Variants in NLRP5 observed in about 807,000 individuals in gnomAD.
NLRP5 encodes the protein NLR family pyrin domain containing 5.
In NLRP5, 93 loss-of-function variants were observed where a neutral mutation model predicts 113.1. The observed-to-expected ratio is 0.82, with a 90% CI of 0.70 to 0.98. NLRP5 has a LOEUF of 0.98. Among genes scored for constraint, NLRP5 ranks in the 50% least tolerant of loss-of-function variants. The probability of loss-of-function intolerance (pLI) is 0.00; values close to 1 mark genes in which losing one functional copy is unlikely to be tolerated. For synonymous variants in NLRP5, 751 were observed against 600.7 expected (o/e 1.25, Z -3.66); for missense variants, 1,808 against 1,514.3 (o/e 1.19, Z -3.22).
chr19:56,006,429 A>T (rs117776002), intron 2 of NLRP5, among the ~76,000 whole-genome samples: 32,060 of 138,622 alleles, frequency 0.23, 3,571 homozygotes, highest in East Asian at 0.31. Flanking sequence ...TATAATTTTA[A>T]AAAAAAAATG....
intron 14 of NLRP5, 121 bp from the exon 15 acceptor site, chr19:56,061,275 C>A: frequency 1.0e-6 from 1 of 987,176 alleles, no homozygotes; most frequent in Non-Finnish European, 1.4e-6. Flanking sequence ...CTCTTTGGGG[C>A]ACGTTCCTTA....
the NLRP5 span, among the ~76,000 whole-genome samples, chr19:55,990,079 C>CTTTTTTTTTTTTTT: frequency 5.2e-5 from 5 of 95,956 alleles, no homozygotes; most frequent in Admixed American, 1.3e-4. Flanking sequence ...TTTCTTTTTT[C>CTTTTTTTTTTTTTT]TTTTTTTTTT....
intron 11 of NLRP5, among the ~76,000 whole-genome samples, chr19:56,044,849 G>A (rs747337474): frequency 1.3e-5 from 2 of 152,166 alleles, no homozygotes; most frequent in Non-Finnish European, 2.9e-5. Context: ...CATGGGATGT[G>A]TGTCCATTTG....
In NLRP5 at chr19:56,028,219, G is replaced by A. The variant is rs746760881; in HGVS notation, c.1986G>A (p.Lys662=). 3 of 1,613,792 alleles carry A rather than the reference G, an allele frequency of 1.9e-6. No individual in the cohort carries two copies. The South Asian group carries it at 3.3e-5, about 18-fold the overall frequency. Residue 662 remains lysine, a synonymous_variant, in exon 7 of 15, where the codon AAG becomes AAA. Coordinates refer to ENST00000390649, the MANE Select transcript of NLRP5 (RefSeq NM_153447.4). ...GCTGTCCCGTTCCCCTGGGGGTGAA[G>A]CAGAAGCTTCTGCACTGGGTCTCTC...
rs369622191 is a variant in NLRP5 at position 56,043,542 on chromosome 19, C to CTTTTTTTTTTTTTTTTTT, written c.2957+2474_2957+2491dup. Among the ~76,000 whole-genome samples, 8 of 92,920 alleles carry CTTTTTTTTTTTTTTTTTT rather than the reference C, an allele frequency of 8.6e-5. 1 individual carries two copies. Among genetic ancestry groups the CTTTTTTTTTTTTTTTTTT allele is most frequent in the Admixed American group, 1.1e-4 (1 of 9,194 alleles). 61.0% of individuals were successfully genotyped at this position (92,920 alleles called of 152,430 possible). ...TGGATTGTCTGTTTACTCTGCTATT[C>CTTTTTTTTTTTTTTTTTT]TTTTTTTTTTTTTTTTTTTTTTTTT... On this transcript the variant is annotated intron_variant, in intron 11 of 14. Transcript: ENST00000390649.
intron 6 of NLRP5, among the ~76,000 whole-genome samples, chr19:56,022,868 G>A (rs557250642): frequency 4.0e-4 from 61 of 152,280 alleles, no homozygotes; most frequent in African/African-American, 1.3e-3. Context: ...GGGATTACAG[G>A]CATGTGCCAC....
chr19:56,005,104 AAAAATATAT>A (rs1032890104), intron 2 of NLRP5, among the ~76,000 whole-genome samples: 2 of 123,698 alleles, frequency 1.6e-5, no homozygotes, highest in Non-Finnish European at 3.4e-5. Flanking sequence ...AAAAAAAAAA[AAAAATATAT>A]ATATATATAT....
chr19:55,995,835 T>C (rs1470220726), upstream of NLRP5, among the ~76,000 whole-genome samples: 2 of 152,116 alleles, frequency 1.3e-5, no homozygotes, highest in African/African-American at 4.8e-5. Context: ...TTTTTGTAGC[T>C]ATTATAAAGG....
rs150517318 is a variant in NLRP5 at position 56,057,262 on chromosome 19, C to T, written c.3300-978C>T. Among the ~76,000 whole-genome samples the T allele has an allele frequency of 2.6e-3, 389 of 152,282 alleles. 3 individuals carry two copies. Among genetic ancestry groups the T allele is most frequent in the African/African-American group, 9.1e-3 (379 of 41,566 alleles). Reference sequence around the variant, plus strand: ...TGGTGAACTATTTCAGAGCAGCTTACGGATTTTGACATCCACCCCAAAATA... The same window carrying T: ...TGGTGAACTATTTCAGAGCAGCTTATGGATTTTGACATCCACCCCAAAATA... On this transcript the variant is annotated intron_variant, in intron 13 of 14. Coordinates refer to ENST00000390649, the MANE Select transcript of NLRP5 (RefSeq NM_153447.4).
chr19:56,021,017 G>GTA (rs1555766393), intron 6 of NLRP5, among the ~76,000 whole-genome samples: 2 of 151,756 alleles, frequency 1.3e-5, no homozygotes, highest in Non-Finnish European at 2.9e-5. Flanking sequence ...GGGATTACAG[G>GTA]CCTGCCACCA....
Position 56,058,253 on chromosome 19 carries a change from G to A in NLRP5, c.3313G>A (p.Gly1105Arg), listed in dbSNP as rs1383482742. ...CTGACCCTGCAGGTTGAAGGCATGTGGACTGACTTCTGATTGCTGTGAGGC... is the reference window on the plus strand; with the variant it reads ...CTGACCCTGCAGGTTGAAGGCATGTAGACTGACTTCTGATTGCTGTGAGGC... The change falls in exon 14 of 15, where the codon GGA (glycine) becomes AGA (arginine). Residue 1105 changes from glycine to arginine, a missense_variant. By Grantham distance (125) the Gly-to-Arg change is moderately radical. Coordinates refer to ENST00000390649, the MANE Select transcript of NLRP5 (RefSeq NM_153447.4). 1 of 1,613,538 alleles carries A rather than the reference G, an allele frequency of 6.2e-7. No individual in the cohort carries two copies. The highest frequency in any genetic ancestry group is 1.1e-5 in the South Asian group (1 of 91,024).
intron 3 of NLRP5, among the ~76,000 whole-genome samples, chr19:56,009,189 A>C (rs1450672521): frequency 4.6e-5 from 7 of 151,642 alleles, no homozygotes; most frequent in Non-Finnish European, 7.4e-5. Flanking sequence ...AAATACAAAA[A>C]AATAGCCAGA....
chr19:56,048,539 C>G (rs59096949), intron 11 of NLRP5, among the ~76,000 whole-genome samples: 100,368 of 151,520 alleles, frequency 0.66, 33,814 homozygotes, highest in Non-Finnish European at 0.7. Flanking sequence ...AAGGAACAAA[C>G]AAGGGCCCCA....
At position 56,061,756 on chromosome 19, in the gene NLRP5, C is replaced by A. The variant is rs959460722; in HGVS notation, c.*228C>A. ...TAGGACTCAGTATCTGTGAAATGTC[C>A]GTCATATCTCAGAGCATATAGAGGG... On this transcript the variant is annotated 3_prime_UTR_variant, in exon 15 of 15. Coordinates refer to ENST00000390649, the MANE Select transcript of NLRP5 (RefSeq NM_153447.4). The A allele has an allele frequency of 9.9e-6, 5 of 503,580 alleles. No homozygotes were observed. In the South Asian group the frequency reaches 1.3e-4, roughly 14 times the overall value. 31.2% of individuals were successfully genotyped at this position (503,580 alleles called of 1,614,324 possible).
At chr19:55,999,363 C>T (rs186064674), upstream of NLRP5, among the ~76,000 whole-genome samples, 345 of 151,828 alleles carry the variant, frequency 2.3e-3, 2 homozygotes, top group African/African-American at 7.0e-3. Flanking sequence ...TACAGGTGCG[C>T]GCCACCATGC....
chr19:56,043,539 ATTCTTTTTTTTTTTTTTTTTTTTT>A (rs1568498694), intron 11 of NLRP5, among the ~76,000 whole-genome samples: 3 of 27,032 alleles, frequency 1.1e-4, no homozygotes, highest in East Asian at 2.4e-3. Context: ...TTACTCTGCT[ATTCTTTTTTTTTTTTTTTTTTTTT>A]TTTTTTTTTT....
intron 4 of NLRP5, 58 bp downstream of exon 4, chr19:56,015,856 A>C: frequency 7.6e-7 from 1 of 1,308,714 alleles, no homozygotes; most frequent in South Asian, 1.5e-5. Context: ...GGGTGAGAGA[A>C]GTTCATGTAG....
chr19:55,992,208 T>C, the NLRP5 span, among the ~76,000 whole-genome samples: 1 of 152,220 alleles, frequency 6.6e-6, no homozygotes, highest in Admixed American at 6.5e-5. Flanking sequence ...CTCATTCTTT[T>C]TTATGGCTGC....
chr19:56,058,028 CAAAAA>C (rs10659776), intron 13 of NLRP5, among the ~76,000 whole-genome samples: 8 of 115,702 alleles, frequency 6.9e-5, no homozygotes, highest in Non-Finnish European at 9.0e-5. Flanking sequence ...AATGCTATCT[CAAAAA>C]AAAAAAAAAA....
Sources: allele counts gnomAD v4.1 joint callset (sites outside exome capture counted in the v4.1 genomes callset), GRCh38; gene constraint gnomAD v4.1.1; transcripts MANE v1.5; gene names NCBI Gene and HGNC (gene_info 2026-07-23, HGNC 2026-07-21).